CC2D2B: variants seen among roughly 807,000 people sequenced by gnomAD.
CC2D2B encodes the protein protein CC2D2B.
Under a neutral mutation model 161.2 loss-of-function variants are expected in CC2D2B, and 128 were observed. The observed-to-expected ratio is 0.79, with a 90% CI of 0.69 to 0.92. CC2D2B has a LOEUF of 0.92. Ranked by LOEUF, CC2D2B falls within the 40% of genes least tolerant of loss-of-function variation. The probability of loss-of-function intolerance (pLI) is 0.00; values close to 1 mark genes in which losing one functional copy is unlikely to be tolerated. For synonymous variants in CC2D2B, 391 were observed against 449.8 expected, an observed-to-expected ratio of 0.87 and a Z score of 1.65; for missense variants, 1,173 against 1,375.1, an observed-to-expected ratio of 0.85 and a Z score of 2.32.
At chr10:95,961,288 G>A (rs2076750835) in intron 11 of CC2D2B, among the ~76,000 whole-genome samples, 1 of 152,278 alleles carries the variant, frequency 6.6e-6, no homozygotes, top group Admixed American at 6.5e-5. Flanking sequence ...AGTGCTTTAG[G>A]AGGCTGAGGC....
chr10:95,908,606 TATGTTGGAGAGTGGTCA>T (rs1026633196), intron 1 of CC2D2B, among the ~76,000 whole-genome samples: 16 of 152,118 alleles, frequency 1.1e-4, no homozygotes, highest in African/African-American at 3.4e-4. Context: ...GTTGAGGGGT[TATGTTGGAGAGTGGTCA>T]ATGTTGGAGA....
chr10:95,984,512 A>G (rs1041403190), intron 19 of CC2D2B: 5 of 152,232 alleles, frequency 3.3e-5, no homozygotes, highest in African/African-American at 1.2e-4. Flanking sequence ...TAAAATAAAT[A>G]AAAACAGATA....
intron 29 of CC2D2B, among the ~76,000 whole-genome samples, chr10:96,014,872 A>T (rs1377061092): frequency 6.6e-6 from 1 of 152,012 alleles, no homozygotes; most frequent in Non-Finnish European, 1.5e-5. Flanking sequence ...TATCCTCCCT[A>T]ACCCCCATCC....
chr10:95,932,278 C>G (rs983155684), intron 6 of CC2D2B, among the ~76,000 whole-genome samples: 1 of 152,138 alleles, frequency 6.6e-6, no homozygotes, highest in Non-Finnish European at 1.5e-5. Context: ...TGTGTCTTTG[C>G]ATGTGAGATG....
chr10:96,011,654 C>T (rs1285607202), intron 26 of CC2D2B, among the ~76,000 whole-genome samples: 1 of 151,902 alleles, frequency 6.6e-6, no homozygotes, highest in African/African-American at 2.4e-5. Context: ...CCAAATGATC[C>T]TCCCACCTCA....
chr10:95,924,013 C>A (rs1413320920), intron 3 of CC2D2B, among the ~76,000 whole-genome samples: 5 of 151,456 alleles, frequency 3.3e-5, no homozygotes, highest in African/African-American at 1.2e-4. Context: ...AAGAGCAAAA[C>A]TCTGTCTCAA....
chr10:95,931,940 T>A (rs929061632), intron 6 of CC2D2B, among the ~76,000 whole-genome samples: 4 of 152,186 alleles, frequency 2.6e-5, no homozygotes, highest in African/African-American at 9.7e-5. Flanking sequence ...CCTTGTTAAT[T>A]TTCTGTCTCA....
At position 96,033,653 on chromosome 10, in the gene CC2D2B, C is replaced by A. The variant is rs558628658; in HGVS notation, c.*1645C>A. On this transcript the variant is annotated 3_prime_UTR_variant, in exon 35 of 35. Transcript: ENST00000646931. ...GATAGACTGCTTAAGAGTAGGGTAGCAAGTGTTCATAGGAAAGCATGGAGG... is the reference window on the plus strand; with the variant it reads ...GATAGACTGCTTAAGAGTAGGGTAGAAAGTGTTCATAGGAAAGCATGGAGG... Among the ~76,000 whole-genome samples, 41 of 152,248 alleles carry A rather than the reference C, an allele frequency of 2.7e-4. No individual in the cohort carries two copies. The highest frequency in any genetic ancestry group is 1.6e-4 in the Non-Finnish European group (11 of 68,006).
At chr10:95,920,282 G>A (rs2098524334) in intron 2 of CC2D2B, 1 of 154,450 alleles carries the variant, frequency 6.5e-6, no homozygotes, top group Non-Finnish European at 1.4e-5. Flanking sequence ...ACATGGTTGG[G>A]AAGGCCTCAG....
Position 95,921,996 on chromosome 10 carries a change from C to T in CC2D2B, c.37-20C>T. The T allele has an allele frequency of 6.8e-7, 1 of 1,459,998 alleles. No individual in the cohort carries two copies. The allele number at this position is 1,459,998 out of a possible 1,614,324, so 90.4% of individuals were successfully genotyped here. A position where few individuals can be genotyped will look rare whatever the true frequency, so the allele number is the denominator to read the frequency against. ...TGACAAAACAAGATGCAAGTTTAACCCTCCCTGCTTTTTTTGCAGATGTCA... is the reference window on the plus strand; with the variant it reads ...TGACAAAACAAGATGCAAGTTTAACTCTCCCTGCTTTTTTTGCAGATGTCA... On this transcript the variant is annotated intron_variant, in intron 2 of 34. Transcript: ENST00000646931.
chr10:96,007,637 A>C (rs1178751752), intron 25 of CC2D2B, among the ~76,000 whole-genome samples: 1 of 152,174 alleles, frequency 6.6e-6, no homozygotes, highest in Non-Finnish European at 1.5e-5. Flanking sequence ...TCCTAAGTGC[A>C]AAAAGTTGGA....
chr10:95,927,984 G>A (rs1223401984), intron 6 of CC2D2B, among the ~76,000 whole-genome samples: 1 of 151,814 alleles, frequency 6.6e-6, no homozygotes, highest in Non-Finnish European at 1.5e-5. Context: ...CAATTCCTGT[G>A]TACCTTCCAG....
At chr10:96,030,466 G>A (rs74151244) in intron 34 of CC2D2B, among the ~76,000 whole-genome samples, 3,895 of 152,178 alleles carry the variant, frequency 0.026, 76 homozygotes, top group African/African-American at 0.055. Context: ...GAGGGTGTCT[G>A]CTAGGGAACT....
rs779916719 is a variant in CC2D2B, at chr10:96,009,856, CATAT to C, written c.2982_2985del (p.Tyr994Ter). On this transcript the variant is annotated frameshift_variant, in exon 26 of 35. Coordinates refer to ENST00000646931, the MANE Select transcript of CC2D2B (RefSeq NM_001349008.3). LOFTEE classifies it high-confidence loss of function. ...TGTCTCAAGAGCTGTAGTGGTCACT[CATAT>C]ATAAGAAAGAATTGGCTTGGATGCA... The C allele has an allele frequency of 1.3e-5, 21 of 1,605,910 alleles. No individual in the cohort carries two copies. The highest frequency in any genetic ancestry group is 1.7e-5 in the Non-Finnish European group (20 of 1,173,988).
intron 5 of CC2D2B, among the ~76,000 whole-genome samples, chr10:95,925,947 G>T (rs764062881): frequency 3.3e-5 from 5 of 152,000 alleles, no homozygotes; most frequent in Non-Finnish European, 5.9e-5. Flanking sequence ...AGACTGTAAT[G>T]AGCAACTAAT....
At chr10:95,912,661 T>A (rs970501803) in intron 2 of CC2D2B, among the ~76,000 whole-genome samples, 1 of 152,162 alleles carries the variant, frequency 6.6e-6, no homozygotes, top group African/African-American at 2.4e-5. Context: ...AAAACTAGTA[T>A]AGCATTGAAT....
At chr10:95,981,688 C>T (rs192446860) in intron 17 of CC2D2B, among the ~76,000 whole-genome samples, 1 of 152,144 alleles carries the variant, frequency 6.6e-6, no homozygotes, top group East Asian at 1.9e-4. Context: ...AGTATTTTAG[C>T]TGTTACATAC....
chr10:95,970,862 C>T (rs17111247), intron 15 of CC2D2B, among the ~76,000 whole-genome samples: 4,098 of 152,308 alleles, frequency 0.027, 75 homozygotes, highest in South Asian at 0.079. Flanking sequence ...AGTGTGGTGT[C>T]TTAAATTCTC....
intron 2 of CC2D2B, among the ~76,000 whole-genome samples, chr10:95,913,156 C>T (rs1213368040): frequency 6.6e-6 from 1 of 151,044 alleles, no homozygotes; most frequent in Non-Finnish European, 1.5e-5. Flanking sequence ...TCTCTATTTC[C>T]GTGAGTTCAA....
Sources: gnomAD v4.1 joint callset for allele counts (sites outside exome capture counted in the v4.1 genomes callset) on GRCh38, gnomAD v4.1.1 for gene constraint, MANE v1.5 for transcripts, NCBI Gene and HGNC (gene_info 2026-07-23, HGNC 2026-07-21) for gene names.